Variants in ALK observed in about 807,000 individuals in gnomAD.
ALK encodes the protein ALK receptor tyrosine kinase.
ALK carries 74 observed loss-of-function variants against 163.1 expected under a neutral mutation model. The ratio of observed to expected loss-of-function variants is 0.45; its 90% confidence interval spans 0.38 to 0.55. ALK has a LOEUF of 0.55. Among genes scored for constraint, ALK ranks in the 20% least tolerant of loss-of-function variants. ALK has a pLI of 0.00. For missense variants in ALK, 2,063 were observed against 2,105.3 expected, an observed-to-expected ratio of 0.98 and a Z score of 0.39; for synonymous variants, 960 against 843.2, an observed-to-expected ratio of 1.14 and a Z score of -2.40.
At chr2:29,837,946 C>T (rs541666553) in intron 1 of ALK, among the ~76,000 whole-genome samples, 1 of 152,008 alleles carries the variant, frequency 6.6e-6, no homozygotes, top group Non-Finnish European at 1.5e-5. Context: ...GTAAGTTGTT[C>T]ATATATTTAA....
At chr2:29,529,018 T>G (rs887721674) in intron 4 of ALK, among the ~76,000 whole-genome samples, 10 of 152,152 alleles carry the variant, frequency 6.6e-5, no homozygotes, top group Admixed American at 5.2e-4. Flanking sequence ...TCATTAGACC[T>G]CATATACTCT....
intron 11 of ALK, among the ~76,000 whole-genome samples, chr2:29,261,596 A>G (rs1396841954): frequency 1.3e-5 from 2 of 152,158 alleles, no homozygotes; most frequent in African/African-American, 2.4e-5. Context: ...TCCAATGACC[A>G]TGGTCTAGAA....
At chr2:29,351,350 T>C (rs1668106543) in intron 5 of ALK, among the ~76,000 whole-genome samples, 2 of 152,194 alleles carry the variant, frequency 1.3e-5, no homozygotes, top group African/African-American at 4.8e-5. Context: ...TGTGCTTCAC[T>C]TGGGCTGGGC....
chr2:29,903,881 G>C (rs1317877526), intron 1 of ALK, among the ~76,000 whole-genome samples: 1 of 152,060 alleles, frequency 6.6e-6, no homozygotes, highest in African/African-American at 2.4e-5. Flanking sequence ...CACCTTCCCA[G>C]TCATGCTTCA....
chr2:29,695,133 G>A, intron 2 of ALK, 119 bp from the exon 3 acceptor site: 1 of 1,154,852 alleles, frequency 8.7e-7, no homozygotes, highest in Non-Finnish European at 1.3e-6. Context: ...CCCTGTCCAA[G>A]GGAGATCAGT....
At chr2:29,342,375 A>G (rs975826355) in intron 5 of ALK, among the ~76,000 whole-genome samples, 1 of 152,246 alleles carries the variant, frequency 6.6e-6, no homozygotes, top group African/African-American at 2.4e-5. Flanking sequence ...TTTCACTTAC[A>G]TGAGATACCT....
chr2:29,602,221 C>T (rs562116124), intron 3 of ALK, among the ~76,000 whole-genome samples: 3 of 152,162 alleles, frequency 2.0e-5, no homozygotes, highest in East Asian at 1.9e-4. Flanking sequence ...ACAGAACAAG[C>T]TTGGATGGTC....
rs1241421286 is a variant in ALK, at chr2:29,714,692, T to A, written c.787+2886A>T. Among the ~76,000 whole-genome samples, 3 of 152,214 alleles carry A rather than the reference T, an allele frequency of 2.0e-5. No individual in the cohort carries two copies. The East Asian group carries it at 5.8e-4, about 29-fold the overall frequency. ...AGAGACTTGGTGACTTCTCACTGTC[T>A]GAAGAACGATCCCTTCAGGCAGCAA... On this transcript the variant is annotated intron_variant, in intron 2 of 28. Coordinates refer to ENST00000389048, the MANE Select transcript of ALK (RefSeq NM_004304.5).
At chr2:29,279,193 G>T (rs979801878) in intron 9 of ALK, among the ~76,000 whole-genome samples, 3 of 152,224 alleles carry the variant, frequency 2.0e-5, no homozygotes, top group Non-Finnish European at 4.4e-5. Context: ...TGCTCTGCGC[G>T]GCGACAGCAG....
At chr2:29,853,951 C>T (rs909352738) in intron 1 of ALK, among the ~76,000 whole-genome samples, 1 of 151,626 alleles carries the variant, frequency 6.6e-6, no homozygotes, top group Non-Finnish European at 1.5e-5. Flanking sequence ...ACTCTGTCAC[C>T]CAGGCTGGAG....
chr2:29,788,582 A>G (rs944987715), intron 1 of ALK, among the ~76,000 whole-genome samples: 1 of 152,214 alleles, frequency 6.6e-6, no homozygotes, highest in African/African-American at 2.4e-5. Context: ...GGATTAGGAA[A>G]GGTTCACAGG....
At chr2:29,361,547 G>A (rs1012491753) in intron 5 of ALK, among the ~76,000 whole-genome samples, 16 of 152,234 alleles carry the variant, frequency 1.1e-4, no homozygotes, top group African/African-American at 3.9e-4. Context: ...CAGTGGAGAA[G>A]CTGAGCTGTG....
At chr2:29,749,683 G>C (rs1484055963) in intron 1 of ALK, among the ~76,000 whole-genome samples, 2 of 152,118 alleles carry the variant, frequency 1.3e-5, no homozygotes, top group Non-Finnish European at 2.9e-5. Flanking sequence ...CTCCCCCACA[G>C]CCCACAGCAT....
At chr2:29,901,928 A>G (rs567304704) in intron 1 of ALK, among the ~76,000 whole-genome samples, 4 of 152,200 alleles carry the variant, frequency 2.6e-5, no homozygotes, top group Admixed American at 1.3e-4. Flanking sequence ...CACAAAATTC[A>G]TCAGGGAAGC....
chr2:29,206,100 G>A (rs1361472847), intron 26 of ALK, among the ~76,000 whole-genome samples: 1 of 152,144 alleles, frequency 6.6e-6, no homozygotes, highest in African/African-American at 2.4e-5. Flanking sequence ...AGCTTCAGGG[G>A]TGAGGGGCTC....
intron 1 of ALK, among the ~76,000 whole-genome samples, chr2:29,791,409 C>G (rs1310446065): frequency 1.3e-5 from 2 of 152,124 alleles, no homozygotes; most frequent in Non-Finnish European, 2.9e-5. Context: ...TGTTCTCACT[C>G]ATAAGTGGGA....
intron 3 of ALK, among the ~76,000 whole-genome samples, chr2:29,648,497 A>C (rs567340912): frequency 1.3e-5 from 2 of 152,108 alleles, no homozygotes; most frequent in South Asian, 2.1e-4. Context: ...TTAAACACCA[A>C]TTCACTCCCC....
At chr2:29,357,317 C>A (rs1668274125) in intron 5 of ALK, among the ~76,000 whole-genome samples, 1 of 152,148 alleles carries the variant, frequency 6.6e-6, no homozygotes, top group African/African-American at 2.4e-5. Flanking sequence ...CTATCACTGT[C>A]CTGGCATCTG....
chr2:29,338,008 G>A (rs1454218852), intron 5 of ALK, among the ~76,000 whole-genome samples: 1 of 152,136 alleles, frequency 6.6e-6, no homozygotes, highest in Non-Finnish European at 1.5e-5. Context: ...AAATCATGTG[G>A]ACATAACAGA....
Sources: gnomAD v4.1 joint callset for allele counts (sites outside exome capture counted in the v4.1 genomes callset) on GRCh38, gnomAD v4.1.1 for gene constraint, MANE v1.5 for transcripts, NCBI Gene and HGNC (gene_info 2026-07-23, HGNC 2026-07-21) for gene names.